The following CSMD1 variants were observed in gnomAD, a reference collection of about 807,000 sequenced individuals.
The protein encoded by CSMD1 is CUB and sushi domain-containing protein 1.
CSMD1 carries 213 observed loss-of-function variants against 417.5 expected under a neutral mutation model. The observed-to-expected ratio is 0.51, with a 90% CI of 0.46 to 0.57. CSMD1 has a LOEUF of 0.57. Ranked by LOEUF, CSMD1 falls within the 20% of genes least tolerant of loss-of-function variation. The pLI, the probability that CSMD1 is intolerant of heterozygous loss-of-function variation, is 0.00. For missense variants in CSMD1, 6,923 were observed against 4,529.7 expected (o/e 1.53, Z -15.17); for synonymous variants, 2,862 against 1,736.8 (o/e 1.65, Z -16.11).
At chr8:4,606,455 G>C (rs1467763883) in intron 2 of CSMD1, among the ~76,000 whole-genome samples, 1 of 152,102 alleles carries the variant, frequency 6.6e-6, no homozygotes, top group East Asian at 1.9e-4. Flanking sequence ...TCTTCCTGCT[G>C]TGATTACAAC....
chr8:3,686,407 C>T (rs933466865), intron 7 of CSMD1, among the ~76,000 whole-genome samples: 6 of 152,070 alleles, frequency 3.9e-5, no homozygotes, highest in Admixed American at 2.0e-4. Context: ...TTGCATCCTG[C>T]GTGACTTCTC....
In CSMD1 at chr8:4,746,947, C is replaced by T. The variant is rs1020135025; in HGVS notation, c.86-109389G>A. On this transcript the variant is annotated intron_variant, in intron 1 of 69. Transcript: ENST00000635120. ...GTAATGAATCTGATGATTCAAATGC[C>T]ATCCCAAATTAGAGAGAGGGAAGAA... is the stretch of plus-strand genomic sequence containing the variant. Among the ~76,000 whole-genome samples, 4 of 152,270 alleles carry T rather than the reference C, an allele frequency of 2.6e-5. No homozygotes were observed. The East Asian group carries it at 5.8e-4, about 22-fold the overall frequency.
In CSMD1 at chr8:4,414,664, A is replaced by C. The variant is rs79079383; in HGVS notation, c.415+5289T>G. ...AAGAAAATCAAATTCAAATTTTTCA[A>C]TACCAATACTTACTGGCAGTTTTTC... On this transcript the variant is annotated intron_variant, in intron 3 of 69. Coordinates refer to ENST00000635120, the MANE Select transcript of CSMD1 (RefSeq NM_033225.6). Among the ~76,000 whole-genome samples the C allele has an allele frequency of 2.1e-3, 314 of 152,326 alleles. 10 individuals carry two copies. The East Asian group carries it at 0.052, about 25-fold the overall frequency.
At chr8:3,956,204 G>A (rs901318413) in intron 5 of CSMD1, among the ~76,000 whole-genome samples, 7 of 152,200 alleles carry the variant, frequency 4.6e-5, no homozygotes, top group Non-Finnish European at 8.8e-5. Context: ...ATAACTAAAT[G>A]TAGATAGCAT....
At chr8:4,322,804 G>A (rs1353468033) in intron 3 of CSMD1, among the ~76,000 whole-genome samples, 1 of 152,102 alleles carries the variant, frequency 6.6e-6, no homozygotes, top group African/African-American at 2.4e-5. Context: ...AGACCAGCCT[G>A]GCCAACATGG....
At chr8:3,633,882 G>A (rs542024192) in intron 7 of CSMD1, among the ~76,000 whole-genome samples, 84 of 152,246 alleles carry the variant, frequency 5.5e-4, no homozygotes, top group Middle Eastern at 3.4e-3. Context: ...GAAACCTGAC[G>A]TATGTATTCA....
intron 2 of CSMD1, among the ~76,000 whole-genome samples, chr8:4,596,630 C>A (rs1800293377): frequency 6.6e-6 from 1 of 152,128 alleles, no homozygotes; most frequent in South Asian, 2.1e-4. Flanking sequence ...TCTTTGTTAA[C>A]TTTGTTGTTG....
intron 3 of CSMD1, among the ~76,000 whole-genome samples, chr8:4,313,102 A>G (rs1444522960): frequency 6.6e-6 from 1 of 152,126 alleles, no homozygotes; most frequent in Non-Finnish European, 1.5e-5. Context: ...GAAACACAAC[A>G]TTCTTATGGT....
intron 5 of CSMD1, among the ~76,000 whole-genome samples, chr8:3,770,176 G>A (rs1161053424): frequency 6.6e-6 from 1 of 152,172 alleles, no homozygotes; most frequent in Non-Finnish European, 1.5e-5. Flanking sequence ...CACTCATACA[G>A]GTCCCTCTCC....
At chr8:3,133,206 T>G (rs1252855409) in intron 41 of CSMD1, among the ~76,000 whole-genome samples, 1 of 151,890 alleles carries the variant, frequency 6.6e-6, no homozygotes, top group African/African-American at 2.4e-5. Context: ...GCTGTCCTCC[T>G]GGGCCTTCTT....
intron 11 of CSMD1, among the ~76,000 whole-genome samples, chr8:3,487,160 T>C (rs569558202): frequency 1.3e-5 from 2 of 152,176 alleles, no homozygotes; most frequent in African/African-American, 4.8e-5. Flanking sequence ...ACTGGGCCGC[T>C]CTCTTCAGAC....
intron 12 of CSMD1, among the ~76,000 whole-genome samples, chr8:3,460,806 C>G (rs943995091): frequency 6.6e-6 from 1 of 152,138 alleles, no homozygotes; most frequent in African/African-American, 2.4e-5. Flanking sequence ...GACAATGATG[C>G]CGCACTCTGG....
At chr8:4,984,007 T>C (rs1397083156) in intron 1 of CSMD1, among the ~76,000 whole-genome samples, 1 of 152,142 alleles carries the variant, frequency 6.6e-6, no homozygotes, top group Non-Finnish European at 1.5e-5. Context: ...CAAGGGCAGA[T>C]TTGAAAAGAC....
intron 10 of CSMD1, among the ~76,000 whole-genome samples, chr8:3,567,216 G>A (rs951928892): frequency 2.0e-5 from 3 of 152,064 alleles, no homozygotes; most frequent in Admixed American, 6.6e-5. Context: ...GGCACCAAAT[G>A]GTGAAAGTAC....
At chr8:3,607,732 C>T (rs2469342) in intron 8 of CSMD1, among the ~76,000 whole-genome samples, 19,193 of 152,198 alleles carry the variant, frequency 0.13, 1,415 homozygotes, top group African/African-American at 0.19. Context: ...CCATATCAGT[C>T]GGTTTTGCCT....
At chr8:3,842,615 G>C (rs915498400) in intron 5 of CSMD1, among the ~76,000 whole-genome samples, 1 of 152,096 alleles carries the variant, frequency 6.6e-6, no homozygotes, top group African/African-American at 2.4e-5. Flanking sequence ...ACATCAAGAA[G>C]ATGTTGACAG....
chr8:3,040,854 G>T (rs958733096), intron 50 of CSMD1, among the ~76,000 whole-genome samples: 26 of 152,162 alleles, frequency 1.7e-4, no homozygotes, highest in African/African-American at 5.3e-4. Flanking sequence ...ATGTTTTGTC[G>T]AAAATAATCT....
rs558669790 is a variant in CSMD1, at chr8:4,664,999, C to T, written c.86-27441G>A. 3.1e-4 allele frequency among the ~76,000 whole-genome samples: 47 copies of T among 152,160 alleles called. 1 individual carries two copies. The highest frequency in any genetic ancestry group is 1.1e-3 in the African/African-American group (46 of 41,530). On this transcript the variant is annotated intron_variant, in intron 1 of 69. Coordinates refer to ENST00000635120, the MANE Select transcript of CSMD1 (RefSeq NM_033225.6). ...AAGGAAAATAATATCTCATCGTGTT[C>T]TTCATTTTATTATTACCAAATATTT...
At chr8:4,610,295 G>A (rs1448873394) in intron 2 of CSMD1, among the ~76,000 whole-genome samples, 1 of 152,200 alleles carries the variant, frequency 6.6e-6, no homozygotes, top group Non-Finnish European at 1.5e-5. Context: ...CCATGAAATT[G>A]AGCAATATCC....
Sources: gnomAD v4.1 joint callset for allele counts (sites outside exome capture counted in the v4.1 genomes callset) on GRCh38, gnomAD v4.1.1 for gene constraint, MANE v1.5 for transcripts, NCBI Gene and HGNC (gene_info 2026-07-23, HGNC 2026-07-21) for gene names.